Variants in MKNK1 observed in about 807,000 individuals in gnomAD.
MKNK1 encodes the protein MAPK interacting serine/threonine kinase 1.
MKNK1 carries 30 observed loss-of-function variants against 49.3 expected under a neutral mutation model. That is an observed-to-expected ratio of 0.61 (90% CI 0.46 to 0.83). The LOEUF (loss-of-function observed/expected upper bound fraction) is 0.83. Among genes scored for constraint, MKNK1 ranks in the 40% least tolerant of loss-of-function variants. The pLI is 0.00. For synonymous variants in MKNK1, 176 were observed against 201.7 expected, an observed-to-expected ratio of 0.87 and a Z score of 1.08; for missense variants, 423 against 524.7, an observed-to-expected ratio of 0.81 and a Z score of 1.89.
chr1:46,568,805 C>G (rs1208671741), intron 7 of MKNK1: 1 of 389,560 alleles, frequency 2.6e-6, no homozygotes, highest in Admixed American at 4.2e-5. Context: ...TAATGCAGAG[C>G]AGAGCAGAGA....
intron 6 of MKNK1, 74 bp from the exon 7 acceptor site, chr1:46,572,241 TC>T: frequency 7.9e-7 from 1 of 1,265,738 alleles, no homozygotes; most frequent in South Asian, 1.3e-5. Flanking sequence ...TTAGACGAAG[TC>T]TCACTCTGTT....
chr1:46,575,072 T>G, intron 5 of MKNK1, 52 bp from the exon 6 acceptor site: 2 of 1,176,734 alleles, frequency 1.7e-6, no homozygotes, highest in Non-Finnish European at 2.5e-6. Flanking sequence ...TGGTATTATA[T>G]ATTAAAGTCT....
rs1667713863 is a variant in MKNK1, at chr1:46,560,261, C to T, written c.986G>A (p.Gly329Glu). 1 of 1,614,078 alleles carries T rather than the reference C, an allele frequency of 6.2e-7. No homozygotes were observed. The highest frequency in any genetic ancestry group is 8.5e-7 in the Non-Finnish European group (1 of 1,180,004). The change falls in exon 12 of 13, where the codon GGA becomes GAA. Residue 329 changes from glycine (G) to glutamate (E), a missense_variant. Physicochemically the swap from Gly to Glu is moderately conservative, Grantham distance 98 (BLOSUM62 -2). Transcript: ENST00000371945. ...CTGGAGGACTTGCGGCGTGGGGAGT[C>T]CCTTTTCTGGAGCTTGCTAGAATGG... ...PWVQGQAPEK[G>E]LPTPQVLQRN...
At chr1:46,586,078 G>T in intron 2 of MKNK1, 1 of 432,706 alleles carries the variant, frequency 2.3e-6, no homozygotes, top group African/African-American at 2.1e-5. Flanking sequence ...TCACCAAGGG[G>T]TCGCTAGTTG....
chr1:46,581,387 A>G (rs1363934849), intron 3 of MKNK1, among the ~76,000 whole-genome samples: 4 of 151,910 alleles, frequency 2.6e-5, no homozygotes, highest in South Asian at 4.2e-4. Context: ...GCACGCGCCT[A>G]AAGTCCCAGC....
At position 46,561,594 on chromosome 1, in the gene MKNK1, T is replaced by C. The variant is rs1667987389; in HGVS notation, c.853A>G (p.Lys285Glu). ...TCACTGGAGATGTGTGCCCAGTCCT[T>C]GTCAGGAAACTCATACTTGCCTTCC... ...IQEGKYEFPD[K>E]DWAHISSEAK... is the part of the protein sequence containing the mutation. Residue 285 changes from lysine (K) to glutamate (E), a missense_variant, in exon 11 of 13, where the codon AAG becomes GAG. Lys to Glu is a moderately conservative substitution (Grantham distance 56, BLOSUM62 1). Coordinates refer to ENST00000371945, the MANE Select transcript of MKNK1 (RefSeq NM_001135553.4). 6.2e-7 allele frequency: 1 copy of C among 1,614,152 alleles called. No individual in the cohort carries two copies. The highest frequency in any genetic ancestry group is 2.2e-5 in the East Asian group (1 of 44,884).
At chr1:46,575,867 T>C (rs1483618543) in intron 5 of MKNK1, 1 of 152,214 alleles carries the variant, frequency 6.6e-6, no homozygotes, top group Non-Finnish European at 1.5e-5. Flanking sequence ...AATGGCCTAA[T>C]TTGAAAGAAG....
chr1:46,599,653 C>T (rs1212668824), intron 1 of MKNK1, among the ~76,000 whole-genome samples: 2 of 152,350 alleles, frequency 1.3e-5, no homozygotes, highest in Middle Eastern at 3.4e-3. Context: ...GAGCGCCAGT[C>T]AGGGCATTTG....
chr1:46,558,207 T>C lies in MKNK1; in HGVS notation c.*368A>G, dbSNP rs1667313979. Reference sequence around the variant, plus strand: ...TCGGCAGCCTCTGTCAACTGATGCTTCTTGCTTCTCCCTGCAGGCTGCAGC... The same window carrying C: ...TCGGCAGCCTCTGTCAACTGATGCTCCTTGCTTCTCCCTGCAGGCTGCAGC... On this transcript the variant is annotated 3_prime_UTR_variant, in exon 13 of 13. Coordinates refer to ENST00000371945, the MANE Select transcript of MKNK1 (RefSeq NM_001135553.4). 1 of 207,026 alleles carries C rather than the reference T, an allele frequency of 4.8e-6. No homozygotes were observed. The highest frequency in any genetic ancestry group is 9.7e-6 in the Non-Finnish European group (1 of 103,024). The allele number at this position is 207,026 out of a possible 1,614,324, so 12.8% of individuals were successfully genotyped here.
rs570180942 is a variant in MKNK1 at position 46,590,845 on chromosome 1, C to T, written c.-3+3268G>A. Among the ~76,000 whole-genome samples, 17 of 152,356 alleles carry T rather than the reference C, an allele frequency of 1.1e-4. No individual in the cohort carries two copies. In the South Asian group the frequency reaches 3.5e-3, roughly 32 times the overall value. On this transcript the variant is annotated intron_variant, in intron 2 of 12. Transcript: ENST00000371945. The stretch of plus-strand genomic sequence containing the variant: ...TGTGCTATGATGTGAAAAGGTTGGG[C>T]AGCACTGCCCTAGCTTCTGGAAATA...
chr1:46,602,845 A>C (rs747623646), intron 1 of MKNK1, among the ~76,000 whole-genome samples: 20 of 152,200 alleles, frequency 1.3e-4, no homozygotes, highest in Non-Finnish European at 1.5e-4. Flanking sequence ...AAGAGGATGC[A>C]AAAGGAACTA....
At chr1:46,573,493 ATTATC>A (rs1670504179) in intron 6 of MKNK1, among the ~76,000 whole-genome samples, 1 of 152,134 alleles carries the variant, frequency 6.6e-6, no homozygotes, top group Non-Finnish European at 1.5e-5. Context: ...GGCTGAAGGT[ATTATC>A]TCTCTGTCCT....
At chr1:46,567,896 G>C (rs141040673) in intron 8 of MKNK1, among the ~76,000 whole-genome samples, 100 of 152,300 alleles carry the variant, frequency 6.6e-4, no homozygotes, top group African/African-American at 2.3e-3. Context: ...CAAGGCAGGT[G>C]GACTGCTTGA....
At chr1:46,595,405 C>T (rs1174220214) in intron 1 of MKNK1, among the ~76,000 whole-genome samples, 3 of 151,976 alleles carry the variant, frequency 2.0e-5, no homozygotes, top group Non-Finnish European at 2.9e-5. Context: ...GGGACTTGTG[C>T]CCAACCCCCA....
intron 6 of MKNK1, 36 bp from the exon 7 acceptor site, chr1:46,572,203 T>A (rs1370969802): frequency 6.3e-7 from 1 of 1,575,214 alleles, no homozygotes; most frequent in East Asian, 2.2e-5. Flanking sequence ...AATGCCTTTT[T>A]GGGCTCTAGT....
Position 46,580,562 on chromosome 1 carries a change from T to C in MKNK1, c.166A>G (p.Ser56Gly). Residue 56 changes from serine (S) to glycine (G), a missense_variant, in exon 4 of 13, where the codon AGC becomes GGC. Coordinates refer to ENST00000371945, the MANE Select transcript of MKNK1 (RefSeq NM_001135553.4). ...GCATACTCTTTGCCATTCTGTAGGC[T>C]CACGGCACCTTGAACTTTGGCATAG... ...GAYAKVQGAVSLQNGKEYAVK... is the reference protein window; with the variant it reads ...GAYAKVQGAVGLQNGKEYAVK... 6.2e-7 allele frequency: 1 copy of C among 1,614,096 alleles called. No individual in the cohort carries two copies. Among genetic ancestry groups the C allele is most frequent in the Non-Finnish European group, 8.5e-7 (1 of 1,179,912 alleles).
chr1:46,603,341 T>C (rs1004876899), intron 1 of MKNK1, among the ~76,000 whole-genome samples: 13 of 152,178 alleles, frequency 8.5e-5, no homozygotes, highest in African/African-American at 2.4e-4. Flanking sequence ...CCACTGAGGC[T>C]TCAAGGCCCA....
intron 1 of MKNK1, among the ~76,000 whole-genome samples, chr1:46,594,701 T>C (rs1304172697): frequency 6.6e-6 from 1 of 152,106 alleles, no homozygotes; most frequent in Non-Finnish European, 1.5e-5. Context: ...AGGCAAAAGA[T>C]AAAAGTTGAC....
At chr1:46,586,261 T>G (rs1039626932) in intron 2 of MKNK1, 2 of 294,760 alleles carry the variant, frequency 6.8e-6, no homozygotes, top group African/African-American at 4.3e-5. Flanking sequence ...GGAATTCTTC[T>G]TGGTCATCAA....
Sources: gnomAD v4.1 joint callset for allele counts (sites outside exome capture counted in the v4.1 genomes callset) on GRCh38, gnomAD v4.1.1 for gene constraint, MANE v1.5 for transcripts, NCBI Gene and HGNC (gene_info 2026-07-23, HGNC 2026-07-21) for gene names.